The following AGBL1 variants were observed in gnomAD, a reference collection of about 807,000 sequenced individuals.
The protein encoded by AGBL1 is cytosolic carboxypeptidase 4.
In AGBL1, 130 loss-of-function variants were observed where a neutral mutation model predicts 118.9. The observed-to-expected ratio is 1.09, with a 90% confidence interval of 0.95 to 1.26. The LOEUF is 1.26. AGBL1 is among the 50% of genes most tolerant of loss of function. The probability of loss-of-function intolerance (pLI) is 0.00; values close to 1 mark genes in which losing one functional copy is unlikely to be tolerated. For missense variants in AGBL1, 1,584 were observed against 1,298.1 expected (o/e 1.22, Z -3.38); for synonymous variants, 555 against 478.9 (o/e 1.16, Z -2.08).
chr15:86,207,378 A>G (rs1173039484), intron 5 of AGBL1, among the ~76,000 whole-genome samples: 1 of 152,188 alleles, frequency 6.6e-6, no homozygotes, highest in Non-Finnish European at 1.5e-5. Context: ...TGGGGATGGC[A>G]TTGAATCTAT....
At chr15:86,099,174 G>T (rs1344062988) in intron 1 of AGBL1, among the ~76,000 whole-genome samples, 1 of 151,972 alleles carries the variant, frequency 6.6e-6, no homozygotes, top group Non-Finnish European at 1.5e-5. Flanking sequence ...CTGAAAGAAC[G>T]AGAAAAGCAA....
chr15:86,897,764 C>CTTTTTTTTTTTTTTTTTTTTTT (rs71460231), intron 22 of AGBL1, among the ~76,000 whole-genome samples: 1 of 80,622 alleles, frequency 1.2e-5, no homozygotes, highest in Non-Finnish European at 2.2e-5. Flanking sequence ...CATCTTTTAT[C>CTTTTTTTTTTTTTTTTTTTTTT]TTTTTTTTTT....
At chr15:86,594,359 CT>C (rs2084378739) in intron 21 of AGBL1, among the ~76,000 whole-genome samples, 1 of 151,974 alleles carries the variant, frequency 6.6e-6, no homozygotes. Context: ...TTGTAATTTT[CT>C]TTTTTTGGTA....
At chr15:86,961,742 C>G (rs1422569583) in intron 23 of AGBL1, among the ~76,000 whole-genome samples, 2 of 152,108 alleles carry the variant, frequency 1.3e-5, no homozygotes, top group East Asian at 1.9e-4. Context: ...GAATGAATCT[C>G]TAGTTTAGCC....
At chr15:86,444,576 G>A (rs1006395111) in intron 18 of AGBL1, among the ~76,000 whole-genome samples, 1 of 152,202 alleles carries the variant, frequency 6.6e-6, no homozygotes, top group African/African-American at 2.4e-5. Flanking sequence ...GGAGTTCCAG[G>A]TACTAAGAAC....
Position 86,615,119 on chromosome 15 carries a change from A to T in AGBL1, c.2995-59154A>T, listed in dbSNP as rs2084703686. 6.6e-6 allele frequency among the ~76,000 whole-genome samples: 1 copy of T among 152,222 alleles called. No individual in the cohort carries two copies. Among genetic ancestry groups the T allele is most frequent in the Non-Finnish European group, 1.5e-5 (1 of 68,042 alleles). Reference sequence around the variant, plus strand: ...TGTCTTGAGTGACACATTAAGCAGCATGTTGAGGGTGATGGAGAGTCACTG... The same window carrying T: ...TGTCTTGAGTGACACATTAAGCAGCTTGTTGAGGGTGATGGAGAGTCACTG... On this transcript the variant is annotated intron_variant, in intron 21 of 22. Transcript: ENST00000614907. The surrounding 1 kb of genome is among the most constrained non-coding windows in gnomAD (Gnocchi z 4.3).
At chr15:86,559,603 G>A (rs541133231) in intron 21 of AGBL1, among the ~76,000 whole-genome samples, 1 of 152,244 alleles carries the variant, frequency 6.6e-6, no homozygotes, top group African/African-American at 2.4e-5. Context: ...CATACTTATT[G>A]TGTGCTAAGC....
chr15:86,706,313 T>C (rs2086449042), intron 22 of AGBL1, among the ~76,000 whole-genome samples: 2 of 152,206 alleles, frequency 1.3e-5, no homozygotes, highest in South Asian at 2.1e-4. Flanking sequence ...TATAAGATTA[T>C]GAAATAAGTT....
At chr15:86,585,711 G>A (rs2084237444) in intron 21 of AGBL1, among the ~76,000 whole-genome samples, 2 of 152,076 alleles carry the variant, frequency 1.3e-5, no homozygotes. Flanking sequence ...TAAACAAAGG[G>A]TTAGAGAAAA....
At chr15:86,891,282 G>T (rs1429727272) in intron 22 of AGBL1, among the ~76,000 whole-genome samples, 2 of 152,070 alleles carry the variant, frequency 1.3e-5, no homozygotes, top group Non-Finnish European at 2.9e-5. Context: ...AGAAGCTTTT[G>T]GGCTGGATGC....
intron 17 of AGBL1, among the ~76,000 whole-genome samples, chr15:86,323,106 T>G (rs1186623451): frequency 1.3e-5 from 2 of 152,182 alleles, no homozygotes; most frequent in East Asian, 1.9e-4. Flanking sequence ...CCCAAATTTT[T>G]GGTTTTACTT....
intron 17 of AGBL1, among the ~76,000 whole-genome samples, chr15:86,310,060 CT>C (rs1215406898): frequency 1.3e-5 from 2 of 152,120 alleles, no homozygotes; most frequent in African/African-American, 4.8e-5. Context: ...AGATCCTGAG[CT>C]TTTCTTTGTT....
chr15:86,618,830 C>T (rs751590136), intron 21 of AGBL1, among the ~76,000 whole-genome samples: 4 of 152,102 alleles, frequency 2.6e-5, no homozygotes, highest in African/African-American at 4.8e-5. Context: ...ACAGACCCTC[C>T]GTGGATCCTG....
chr15:86,725,254 T>C (rs1246843937), intron 22 of AGBL1, among the ~76,000 whole-genome samples: 2 of 152,252 alleles, frequency 1.3e-5, no homozygotes, highest in Non-Finnish European at 1.5e-5. Flanking sequence ...CTGGTTCTCA[T>C]GTATTTCCAA....
chr15:86,662,430 A>C (rs1318291171), intron 21 of AGBL1, among the ~76,000 whole-genome samples: 4 of 152,234 alleles, frequency 2.6e-5, no homozygotes, highest in African/African-American at 9.6e-5. Context: ...TGTAACTCAA[A>C]AGTGGTCATT....
intron 16 of AGBL1, among the ~76,000 whole-genome samples, chr15:86,293,899 T>C (rs2079589384): frequency 6.6e-6 from 1 of 152,146 alleles, no homozygotes; most frequent in Non-Finnish European, 1.5e-5. Context: ...TCCTTGATTG[T>C]GGAAAAAACT....
At chr15:86,998,912 T>A (rs1362976859) in intron 24 of AGBL1, among the ~76,000 whole-genome samples, 1 of 151,316 alleles carries the variant, frequency 6.6e-6, no homozygotes, top group African/African-American at 2.4e-5. Flanking sequence ...GTGCACAACA[T>A]GCAGGTTTGT....
At chr15:86,132,054 C>A (rs964727793) in intron 1 of AGBL1, among the ~76,000 whole-genome samples, 1 of 152,142 alleles carries the variant, frequency 6.6e-6, no homozygotes, top group Non-Finnish European at 1.5e-5. Flanking sequence ...GAAAACAGCG[C>A]TTCAGATTGG....
chr15:86,556,633 A>G (rs1184086926), intron 21 of AGBL1, among the ~76,000 whole-genome samples: 1 of 152,186 alleles, frequency 6.6e-6, no homozygotes, highest in Non-Finnish European at 1.5e-5. Flanking sequence ...AAGGTACATA[A>G]TGCAGTCTAT....
Sources: gnomAD v4.1 joint callset for allele counts (sites outside exome capture counted in the v4.1 genomes callset) on GRCh38, gnomAD v4.1.1 for gene constraint, Gnocchi (gnomAD v3.1) non-coding constraint, MANE v1.5 for transcripts, NCBI Gene and HGNC (gene_info 2026-07-23, HGNC 2026-07-21) for gene names.